KIRREL3: variants seen among roughly 807,000 people sequenced by gnomAD.
KIRREL3 encodes the protein kin of IRRE-like protein 3.
A neutral mutation model predicts 89.7 loss-of-function variants in KIRREL3; 36 were observed. The ratio of observed to expected loss-of-function variants is 0.40; its 90% CI spans 0.31 to 0.53. KIRREL3 has a LOEUF of 0.53. Ranked by LOEUF, KIRREL3 falls within the 20% of genes least tolerant of loss-of-function variation. The probability of loss-of-function intolerance (pLI) is 0.49; values close to 1 mark genes in which losing one functional copy is unlikely to be tolerated. For synonymous variants in KIRREL3, 445 were observed against 441.4 expected, an observed-to-expected ratio of 1.01 and a Z score of -0.10; for missense variants, 864 against 1,056.6, an observed-to-expected ratio of 0.82 and a Z score of 2.53.
At chr11:126,770,534 G>C (rs1170757084) in intron 1 of KIRREL3, among the ~76,000 whole-genome samples, 1 of 152,180 alleles carries the variant, frequency 6.6e-6, no homozygotes, top group Non-Finnish European at 1.5e-5. Flanking sequence ...TGCCTTGATG[G>C]TTGTAAAACG....
At chr11:126,678,807 A>G (rs1946320780) in intron 1 of KIRREL3, among the ~76,000 whole-genome samples, 1 of 152,034 alleles carries the variant, frequency 6.6e-6, no homozygotes, top group South Asian at 2.1e-4. Flanking sequence ...CAGAGAGAGG[A>G]TATCAGTGGA....
chr11:126,787,108 C>T (rs559210674), intron 1 of KIRREL3, among the ~76,000 whole-genome samples: 6 of 152,128 alleles, frequency 3.9e-5, no homozygotes, highest in Non-Finnish European at 8.8e-5. Context: ...GTTATGTGAT[C>T]GGTAGGAGTG....
rs1378360616 is a variant in KIRREL3, at chr11:126,463,486, C to T, written c.592-179G>A. ...AGAGCTCGGGGGTTACCCCCTGGCT[C>T]CCTGGCCTGGCTAAGTGCTGGGCTG... On this transcript the variant is annotated intron_variant, in intron 5 of 16. Coordinates refer to ENST00000525144, the MANE Select transcript of KIRREL3 (RefSeq NM_032531.4). This position sits in a 1 kb window ranked among gnomAD's most constrained non-coding sequence, Gnocchi z 5.9. Among the ~76,000 whole-genome samples, 2 of 152,206 alleles carry T rather than the reference C, an allele frequency of 1.3e-5. No homozygotes were observed. Among genetic ancestry groups the T allele is most frequent in the Admixed American group, 1.3e-4 (2 of 15,280 alleles).
At position 126,803,034 on chromosome 11, in the gene KIRREL3, G is replaced by A. The variant is rs561348338; in HGVS notation, c.55+197421C>T. ...TTAGCTAATTGATTCCTCCATTCAC[G>A]TGAAAATTAAGTGCCAGCCCAGATA... On this transcript the variant is annotated intron_variant, in intron 1 of 16. Coordinates refer to ENST00000525144, the MANE Select transcript of KIRREL3 (RefSeq NM_032531.4). Among the ~76,000 whole-genome samples, 33 of 152,240 alleles carry A rather than the reference G, an allele frequency of 2.2e-4. 1 individual carries two copies. The highest frequency in any genetic ancestry group is 4.8e-4 in the African/African-American group (20 of 41,536).
At chr11:126,731,058 A>C (rs1948599547) in intron 1 of KIRREL3, among the ~76,000 whole-genome samples, 1 of 152,026 alleles carries the variant, frequency 6.6e-6, no homozygotes, top group Non-Finnish European at 1.5e-5. Context: ...TACTTTTCTA[A>C]CTGGTGTCTC....
At chr11:126,625,970 G>A (rs1264528144) in intron 1 of KIRREL3, among the ~76,000 whole-genome samples, 4 of 152,182 alleles carry the variant, frequency 2.6e-5, no homozygotes, top group South Asian at 2.1e-4. Flanking sequence ...GGATTTCTGC[G>A]GTTGGGGGCT....
chr11:126,995,854 C>T lies in KIRREL3; in HGVS notation c.55+4601G>A, dbSNP rs1950166899. 6.6e-6 allele frequency among the ~76,000 whole-genome samples: 1 copy of T among 152,154 alleles called. No individual in the cohort carries two copies. The highest frequency in any genetic ancestry group is 2.4e-5 in the African/African-American group (1 of 41,428). On this transcript the variant is annotated intron_variant, in intron 1 of 16. Transcript: ENST00000525144. The surrounding 1 kb of genome is among the most constrained non-coding windows in gnomAD (Gnocchi z 6.5). Reference sequence around the variant, plus strand: ...CTTCGGGCCTAATCTCCTGCTCCACCCCATCTCCTGCTGGCCCTGGCTTCC... The same window carrying T: ...CTTCGGGCCTAATCTCCTGCTCCACTCCATCTCCTGCTGGCCCTGGCTTCC...
Position 126,491,759 on chromosome 11 carries a change from T to C in KIRREL3, c.434-18293A>G, listed in dbSNP as rs1457960988. Among the ~76,000 whole-genome samples the C allele has an allele frequency of 1.3e-5, 2 of 152,138 alleles. No individual in the cohort carries two copies. The highest frequency in any genetic ancestry group is 2.9e-5 in the Non-Finnish European group (2 of 68,026). On this transcript the variant is annotated intron_variant, in intron 4 of 16. Transcript: ENST00000525144. This position sits in a 1 kb window ranked among gnomAD's most constrained non-coding sequence, Gnocchi z 5.5. ...CTCTGTCACCCAAGCTGGAGTTCAG[T>C]GGCATGATCTCGGCTCACTGCAACC... is the stretch of plus-strand genomic sequence containing the variant.
At chr11:126,854,361 A>T (rs1409508439) in intron 1 of KIRREL3, among the ~76,000 whole-genome samples, 2 of 152,138 alleles carry the variant, frequency 1.3e-5, no homozygotes, top group Non-Finnish European at 2.9e-5. Context: ...GAAAGTCTGT[A>T]CCCATTAAAT....
rs1943517263 is a variant in KIRREL3, at chr11:126,620,124, G to A, written c.56-57212C>T. Among the ~76,000 whole-genome samples, 1 of 152,070 alleles carries A rather than the reference G, an allele frequency of 6.6e-6. No homozygotes were observed. ...CACACAGTGGGCAATCGAATCTGGT[G>A]GTCTTATAACACTTGACCAAAAACC... On this transcript the variant is annotated intron_variant, in intron 1 of 16. Transcript: ENST00000525144. The surrounding 1 kb of genome is among the most constrained non-coding windows in gnomAD (Gnocchi z 4.8).
rs1273690675 is a variant in KIRREL3, at chr11:126,780,284, C to T, written c.56-217372G>A. ...ATGTGTAAGAGCAGCCTATCTTCTT[C>T]CGAGTCCACTAGAGAAGTGTGGCAC... is the stretch of plus-strand genomic sequence containing the variant. On this transcript the variant is annotated intron_variant, in intron 1 of 16. Coordinates refer to ENST00000525144, the MANE Select transcript of KIRREL3 (RefSeq NM_032531.4). The surrounding 1 kb of genome is among the most constrained non-coding windows in gnomAD (Gnocchi z 5.3). 6.6e-6 allele frequency among the ~76,000 whole-genome samples: 1 copy of T among 152,166 alleles called. No homozygotes were observed. Among genetic ancestry groups the T allele is most frequent in the Non-Finnish European group, 1.5e-5 (1 of 68,032 alleles).
At position 126,459,501 on chromosome 11, in the gene KIRREL3, T is replaced by C. The variant is rs1408195369; in HGVS notation, c.743-3047A>G. 4.6e-5 allele frequency among the ~76,000 whole-genome samples: 7 copies of C among 152,204 alleles called. No homozygotes were observed. Among genetic ancestry groups the C allele is most frequent in the Admixed American group, 4.6e-4 (7 of 15,286 alleles). ...GAGGTGCCCAAGCTTCTTTCTCCAC[T>C]TCTGCTGGTGTACAGAATATACATT... On this transcript the variant is annotated intron_variant, in intron 6 of 16. Coordinates refer to ENST00000525144, the MANE Select transcript of KIRREL3 (RefSeq NM_032531.4). The surrounding 1 kb of genome is among the most constrained non-coding windows in gnomAD (Gnocchi z 4.8).
chr11:126,435,923 C>A (rs907978930), intron 12 of KIRREL3, among the ~76,000 whole-genome samples: 5 of 152,294 alleles, frequency 3.3e-5, no homozygotes, highest in African/African-American at 1.2e-4. Context: ...AATCCCTGGT[C>A]CACCATGGCT....
chr11:126,915,149 A>T (rs1385727777), intron 1 of KIRREL3, among the ~76,000 whole-genome samples: 1 of 152,192 alleles, frequency 6.6e-6, no homozygotes. Context: ...AGCAGATTTC[A>T]TTGCTGGAAT....
rs996610457 is a variant in KIRREL3, at chr11:126,811,636, G to A, written c.55+188819C>T. On this transcript the variant is annotated intron_variant, in intron 1 of 16. Coordinates refer to ENST00000525144, the MANE Select transcript of KIRREL3 (RefSeq NM_032531.4). This position sits in a 1 kb window ranked among gnomAD's most constrained non-coding sequence, Gnocchi z 4.3. ...AGTTTTGCTCTTGTCACCCAGGCTG[G>A]TGTGGAATGGCATGATCTCAGCTCA... 5.3e-5 allele frequency among the ~76,000 whole-genome samples: 8 copies of A among 152,116 alleles called. No homozygotes were observed. Among genetic ancestry groups the A allele is most frequent in the Non-Finnish European group, 1.0e-4 (7 of 68,020 alleles).
At chr11:126,596,546 C>A (rs144306406) in intron 1 of KIRREL3, among the ~76,000 whole-genome samples, 1 of 152,332 alleles carries the variant, frequency 6.6e-6, no homozygotes, top group Non-Finnish European at 1.5e-5. Context: ...TATGTTCTTG[C>A]CATGTTTCTT....
chr11:126,910,627 T>C (rs1278911287), intron 1 of KIRREL3, among the ~76,000 whole-genome samples: 3 of 152,202 alleles, frequency 2.0e-5, no homozygotes, highest in Non-Finnish European at 4.4e-5. Flanking sequence ...TGTATACGCA[T>C]CATATGGATG....
rs1950088651 is a variant in KIRREL3 at position 126,773,742 on chromosome 11, A to ATTTT, written c.56-210831_56-210830insAAAA. On this transcript the variant is annotated intron_variant, in intron 1 of 16. Transcript: ENST00000525144. The surrounding 1 kb of genome is among the most constrained non-coding windows in gnomAD (Gnocchi z 4.2). ...TCCTTGGAGGCTGGGGCCCACATAT[A>ATTTT]TTATTTATCTCTATTATTGCAGCCC... Among the ~76,000 whole-genome samples, 1 of 152,118 alleles carries ATTTT rather than the reference A, an allele frequency of 6.6e-6. No homozygotes were observed. The highest frequency in any genetic ancestry group is 1.5e-5 in the Non-Finnish European group (1 of 68,008).
intron 1 of KIRREL3, among the ~76,000 whole-genome samples, chr11:126,841,294 TCTC>T (rs1419252769): frequency 6.6e-6 from 1 of 152,146 alleles, no homozygotes; most frequent in African/African-American, 2.4e-5. Context: ...ACTTGGGTCT[TCTC>T]CTTCATGGAG....
Sources: allele counts gnomAD v4.1 joint callset (sites outside exome capture counted in the v4.1 genomes callset), GRCh38; gene constraint gnomAD v4.1.1; non-coding constraint Gnocchi (gnomAD v3.1); transcripts MANE v1.5; gene names NCBI Gene and HGNC (gene_info 2026-07-23, HGNC 2026-07-21).